Variants in MGAT4C observed in about 807,000 individuals in gnomAD.
MGAT4C encodes the protein alpha-1,3-mannosyl-glycoprotein 4-beta-N-acetylglucosaminyltransferase C.
A neutral mutation model predicts 40.1 loss-of-function variants in MGAT4C; 19 were observed. That is an observed-to-expected ratio of 0.47 (90% CI 0.33 to 0.70). The LOEUF (loss-of-function observed/expected upper bound fraction) is 0.70. Among genes scored for constraint, MGAT4C ranks in the 30% least tolerant of loss-of-function variants. The pLI is 0.02. For synonymous variants in MGAT4C, 181 were observed against 187.1 expected (o/e 0.97, Z 0.27); for missense variants, 491 against 563.2 (o/e 0.87, Z 1.30).
At chr12:86,615,725 C>T (rs1962426809) in intron 2 of MGAT4C, among the ~76,000 whole-genome samples, 1 of 151,958 alleles carries the variant, frequency 6.6e-6, no homozygotes, top group African/African-American at 2.4e-5. Context: ...AATAACAAAT[C>T]ACATCAAATC....
intron 2 of MGAT4C, among the ~76,000 whole-genome samples, chr12:86,442,537 G>A (rs1270942974): frequency 1.3e-5 from 2 of 151,940 alleles, no homozygotes; most frequent in African/African-American, 4.8e-5. Context: ...TGTAAGGAAG[G>A]GATCCAGTTT....
At chr12:86,206,955 C>A (rs906008567) in intron 1 of MGAT4C, among the ~76,000 whole-genome samples, 2 of 152,012 alleles carry the variant, frequency 1.3e-5, no homozygotes, top group Non-Finnish European at 2.9e-5. Flanking sequence ...GGTACTTTTC[C>A]ATGGTGCTGA....
At chr12:86,505,855 C>A (rs996110179) in intron 2 of MGAT4C, among the ~76,000 whole-genome samples, 6 of 152,148 alleles carry the variant, frequency 3.9e-5, no homozygotes, top group African/African-American at 1.4e-4. Flanking sequence ...TCTCTTTCAT[C>A]ATTCTTAGGG....
intron 2 of MGAT4C, among the ~76,000 whole-genome samples, chr12:86,708,596 T>C (rs1783751130): frequency 6.6e-6 from 1 of 152,092 alleles, no homozygotes; most frequent in Non-Finnish European, 1.5e-5. Context: ...CACTCAGCGC[T>C]AGCCTTTGAA....
At chr12:86,077,337 C>G (rs11117182) in intron 1 of MGAT4C, among the ~76,000 whole-genome samples, 38,597 of 152,016 alleles carry the variant, frequency 0.25, 6,189 homozygotes, top group South Asian at 0.4. Context: ...GCACCATTTC[C>G]CAACCCAAAT....
intron 1 of MGAT4C, among the ~76,000 whole-genome samples, chr12:86,249,373 G>T (rs189995119): frequency 9.9e-5 from 15 of 152,246 alleles, no homozygotes; most frequent in Admixed American, 3.3e-4. Flanking sequence ...GATATACCTA[G>T]TAAAGTTAGC....
At chr12:86,294,687 A>T (rs1953617755) in intron 4 of MGAT4C, among the ~76,000 whole-genome samples, 1 of 152,188 alleles carries the variant, frequency 6.6e-6, no homozygotes, top group South Asian at 2.1e-4. Context: ...TGGGGGGGAA[A>T]AAAGTTAAAT....
chr12:86,807,539 G>A (rs1278659778), intron 1 of MGAT4C, among the ~76,000 whole-genome samples: 2 of 152,054 alleles, frequency 1.3e-5, no homozygotes, highest in East Asian at 3.9e-4. Flanking sequence ...TGGACATTTG[G>A]ATGGATTCCA....
Position 86,643,529 on chromosome 12 carries a change from A to T in MGAT4C, c.-229+83680T>A, listed in dbSNP as rs143631168. ...ATCTATAAAAATGAACGAAATACTG[A>T]CTCATGCTACAACATAGGTGAATCT... On this transcript the variant is annotated intron_variant, in intron 2 of 7. Transcript: ENST00000548651. 2.1e-3 allele frequency among the ~76,000 whole-genome samples: 316 copies of T among 151,960 alleles called. 2 individuals carry two copies. The highest frequency in any genetic ancestry group is 7.4e-3 in the African/African-American group (309 of 41,510).
intron 2 of MGAT4C, among the ~76,000 whole-genome samples, chr12:86,634,808 A>C (rs531663394): frequency 6.6e-6 from 1 of 152,232 alleles, no homozygotes; most frequent in South Asian, 2.1e-4. Flanking sequence ...TAAAATAGTC[A>C]CGACAGTGAT....
At chr12:86,756,987 A>G (rs1178268057) in intron 1 of MGAT4C, among the ~76,000 whole-genome samples, 1 of 152,190 alleles carries the variant, frequency 6.6e-6, no homozygotes, top group African/African-American at 2.4e-5. Flanking sequence ...TGTTTATTTA[A>G]AAGTTATAAT....
chr12:86,302,764 C>T (rs1313272118), intron 4 of MGAT4C, among the ~76,000 whole-genome samples: 2 of 150,448 alleles, frequency 1.3e-5, no homozygotes, highest in Non-Finnish European at 2.9e-5. Context: ...TTGCTATTTA[C>T]TTACTGATCT....
chr12:86,011,377 A>G (rs906271918), intron 2 of MGAT4C, among the ~76,000 whole-genome samples: 1 of 152,238 alleles, frequency 6.6e-6, no homozygotes, highest in Admixed American at 6.5e-5. Flanking sequence ...TTTAAACATT[A>G]GCAAAGACAG....
chr12:86,604,016 T>C lies in MGAT4C; in HGVS notation c.-229+123193A>G, dbSNP rs529150670. On this transcript the variant is annotated intron_variant, in intron 2 of 7. Coordinates refer to the MGAT4C transcript ENST00000548651. ...TTACAACTATTATAAACATATATAA[T>C]TTTTTGTCAATTAAACCTCAATAAA... 9.2e-5 allele frequency among the ~76,000 whole-genome samples: 14 copies of C among 151,768 alleles called. No individual in the cohort carries two copies. The East Asian group carries it at 2.5e-3, about 27-fold the overall frequency.
intron 2 of MGAT4C, among the ~76,000 whole-genome samples, chr12:86,564,806 G>A (rs1008177166): frequency 1.6e-4 from 25 of 152,292 alleles, no homozygotes; most frequent in African/African-American, 6.0e-4. Context: ...CTGAAAGGCT[G>A]CCAGTTTTGA....
intron 2 of MGAT4C, among the ~76,000 whole-genome samples, chr12:86,463,572 A>T (rs962446595): frequency 2.6e-5 from 4 of 152,154 alleles, no homozygotes; most frequent in African/African-American, 7.2e-5. Context: ...TGACTTAAAG[A>T]TCACTTTTTC....
intron 2 of MGAT4C, among the ~76,000 whole-genome samples, chr12:86,612,739 CAAAAA>C (rs767088175): frequency 3.4e-5 from 2 of 58,702 alleles, no homozygotes; most frequent in Admixed American, 1.9e-4. Context: ...GACTCTGTCT[CAAAAA>C]AAAAAAAAAA....
chr12:86,759,965 A>G (rs1478395458), intron 1 of MGAT4C, among the ~76,000 whole-genome samples: 2 of 152,164 alleles, frequency 1.3e-5, no homozygotes, highest in Non-Finnish European at 2.9e-5. Flanking sequence ...CCAAATAGCC[A>G]AAACAATTTT....
chr12:86,251,289 C>T (rs1347441617), intron 1 of MGAT4C, among the ~76,000 whole-genome samples: 37 of 151,780 alleles, frequency 2.4e-4, no homozygotes, highest in Admixed American at 2.3e-3. Context: ...TAAAACATAC[C>T]TGAGAACTTA....
Sources: gnomAD v4.1 joint callset for allele counts (sites outside exome capture counted in the v4.1 genomes callset) on GRCh38, gnomAD v4.1.1 for gene constraint, MANE v1.5 for transcripts, NCBI Gene and HGNC (gene_info 2026-07-23, HGNC 2026-07-21) for gene names.